Variants in PYGB observed in about 807,000 individuals in gnomAD.
PYGB encodes the protein glycogen phosphorylase B, also known as glycogen phosphorylase, brain form.
A neutral mutation model predicts 94.3 loss-of-function variants in PYGB; 82 were observed. The ratio of observed to expected loss-of-function variants is 0.87; its 90% confidence interval spans 0.73 to 1.04. The LOEUF (loss-of-function observed/expected upper bound fraction) is 1.04. Ranked by LOEUF, PYGB falls within the 50% of genes least tolerant of loss-of-function variation. The pLI is 0.00. For missense variants in PYGB, 1,132 were observed against 1,158.2 expected (o/e 0.98, Z 0.33); for synonymous variants, 488 against 479.1 (o/e 1.02, Z -0.24).
At chr20:25,284,046 G>T in intron 13 of PYGB, 58 bp from the exon 14 acceptor site, 1 of 1,592,956 alleles carries the variant, frequency 6.3e-7, no homozygotes, top group African/African-American at 1.3e-5. Flanking sequence ...GAAGCCGCAG[G>T]GTCAGTGGAT....
intron 1 of PYGB, among the ~76,000 whole-genome samples, chr20:25,258,613 G>A (rs530773204): frequency 6.6e-6 from 1 of 152,258 alleles, no homozygotes; most frequent in Non-Finnish European, 1.5e-5. Context: ...GGCCCAGGAG[G>A]CACTGCATGG....
intron 1 of PYGB, among the ~76,000 whole-genome samples, chr20:25,253,271 A>G (rs2092893359): frequency 6.6e-6 from 1 of 152,156 alleles, no homozygotes; most frequent in South Asian, 2.1e-4. Flanking sequence ...CACTTGAGCC[A>G]ATTTCTTAAA....
intron 1 of PYGB, among the ~76,000 whole-genome samples, chr20:25,257,385 C>G (rs556507083): frequency 1.3e-5 from 2 of 152,358 alleles, no homozygotes; most frequent in African/African-American, 4.8e-5. Flanking sequence ...GGCTTCGAGT[C>G]TAGGCCCAGC....
chr20:25,274,677 G>A lies in PYGB; in HGVS notation c.614G>A (p.Gly205Glu). The A allele has an allele frequency of 6.2e-7, 1 of 1,613,820 alleles. No individual in the cohort carries two copies. Among genetic ancestry groups the A allele is most frequent in the South Asian group, 1.1e-5 (1 of 91,090 alleles). ...PEYMLPVHFYGRVEHTPDGVK... is the reference protein window; with the variant it reads ...PEYMLPVHFYERVEHTPDGVK... ...TATATGCTTCCCGTGCACTTCTACG[G>A]ACGCGTGGAGCACACCCCCGACGGC... is the stretch of plus-strand genomic sequence containing the variant. Residue 205 changes from glycine (G) to glutamate (E), a missense_variant, in exon 5 of 20, where the codon GGA becomes GAA. Physicochemically the swap from Gly to Glu is moderately conservative, Grantham distance 98 (BLOSUM62 -2). Coordinates refer to ENST00000216962, the MANE Select transcript of PYGB (RefSeq NM_002862.4).
chr20:25,250,107 C>T (rs2092883395), intron 1 of PYGB, among the ~76,000 whole-genome samples: 2 of 152,152 alleles, frequency 1.3e-5, no homozygotes, highest in Non-Finnish European at 2.9e-5. Flanking sequence ...CCTCGGCCTC[C>T]CAAAGTGCAG....
chr20:25,269,257 G>C (rs754702773), intron 3 of PYGB, 50 bp downstream of exon 3: 10 of 1,470,106 alleles, frequency 6.8e-6, no homozygotes, highest in Non-Finnish European at 7.5e-6. Flanking sequence ...TGGCTTGGTT[G>C]GAGGCCACGT....
chr20:25,280,969 C>T lies in PYGB; in HGVS notation c.1260C>T (p.Pro420=), dbSNP rs2228978. The T allele has an allele frequency of 3.6e-3, 5,802 of 1,613,948 alleles. 28 individuals are homozygous for T. The highest frequency in any genetic ancestry group is 0.022 in the Middle Eastern group (131 of 6,052). The change falls in exon 11 of 20, where the codon CCC becomes CCT. Residue 420 remains proline (P), a synonymous_variant. Transcript: ENST00000216962. ...ACCAGCACGTGGCCGCGCTGTTTCC[C>T]GGCGATGTGGACCGCCTGCGCAGGA... is the stretch of plus-strand genomic sequence containing the variant. The part of the protein sequence containing the change: ...RHLDHVAALF[P]GDVDRLRRMS...
intron 3 of PYGB, among the ~76,000 whole-genome samples, chr20:25,270,421 C>G (rs1362947015): frequency 6.6e-6 from 1 of 152,076 alleles, no homozygotes; most frequent in African/African-American, 2.4e-5. Context: ...CCAGGATGGT[C>G]TCAATCTCCT....
At chr20:25,257,911 C>A (rs1247459668) in intron 1 of PYGB, among the ~76,000 whole-genome samples, 1 of 152,122 alleles carries the variant, frequency 6.6e-6, no homozygotes, top group Non-Finnish European at 1.5e-5. Context: ...ATATTAAGTT[C>A]GTTCAAATGT....
chr20:25,280,328 G>A lies in PYGB; in HGVS notation c.1155G>A (p.Leu385=), dbSNP rs145091595. Residue 385 remains leucine, a synonymous_variant, in exon 10 of 20, where the codon TTG becomes TTA. Coordinates refer to ENST00000216962, the MANE Select transcript of PYGB (RefSeq NM_002862.4). The stretch of plus-strand genomic sequence containing the variant: ...ACCACACTGTGCTGCCTGAGGCCTT[G>A]GAGCGCTGGCCCGTGTCCATGTTTG... ...YTNHTVLPEA[L]ERWPVSMFEK... The A allele has an allele frequency of 1.9e-6, 3 of 1,613,982 alleles. No individual in the cohort carries two copies. The highest frequency in any genetic ancestry group is 2.7e-5 in the African/African-American group (2 of 74,944).
chr20:25,260,941 G>T (rs964975914), intron 2 of PYGB, among the ~76,000 whole-genome samples: 1 of 152,242 alleles, frequency 6.6e-6, no homozygotes, highest in Non-Finnish European at 1.5e-5. Flanking sequence ...AGGGGCGTCC[G>T]CCATTGCTGA....
chr20:25,274,003 G>C (rs375013731), intron 4 of PYGB, among the ~76,000 whole-genome samples: 1 of 152,174 alleles, frequency 6.6e-6, no homozygotes, highest in African/African-American at 2.4e-5. Flanking sequence ...GTGAGCCTCC[G>C]CCTGGCCAGT....
rs963138509 is a variant in PYGB, at chr20:25,296,867, T to C, written c.*345T>C. 2 of 238,442 alleles carry C rather than the reference T, an allele frequency of 8.4e-6. No individual in the cohort carries two copies. Among genetic ancestry groups the C allele is most frequent in the Non-Finnish European group, 8.2e-6 (1 of 122,078 alleles). 14.8% of individuals were successfully genotyped at this position (238,442 alleles called of 1,614,324 possible). A position where few individuals can be genotyped will look rare whatever the true frequency, so the allele number is the denominator to read the frequency against. ...ACACATCTTGCTATGTATTAGCCGA[T>C]GTCTTTAGTGTTGAGCCTCTGGATT... On this transcript the variant is annotated 3_prime_UTR_variant, in exon 20 of 20. Transcript: ENST00000216962.
chr20:25,275,438 G>T (rs371428379), intron 5 of PYGB, among the ~76,000 whole-genome samples: 1 of 152,214 alleles, frequency 6.6e-6, no homozygotes, highest in African/African-American at 2.4e-5. Context: ...TGGGGGCATC[G>T]GTGAGACTCA....
At position 25,248,489 on chromosome 20, in the gene PYGB, C is replaced by T. The variant is rs553363391; in HGVS notation, c.243+68C>T. ...GGCGCCGGTCCCGGAGCCGCGCCAG[C>T]GGGGGTCTCTGCGGGGCGGCCCGTC... On this transcript the variant is annotated intron_variant, in intron 1 of 19. Transcript: ENST00000216962. 3.1e-6 allele frequency: 4 copies of T among 1,289,954 alleles called. No individual in the cohort carries two copies. The Admixed American group carries it at 1.7e-4, about 53-fold the overall frequency. 79.9% of individuals were successfully genotyped at this position (1,289,954 alleles called of 1,614,324 possible).
chr20:25,260,659 A>AGAGCG, intron 2 of PYGB, among the ~76,000 whole-genome samples: 1 of 152,164 alleles, frequency 6.6e-6, no homozygotes, highest in East Asian at 1.9e-4. Flanking sequence ...GCGTGAGAGC[A>AGAGCG]TGAGCTAAAG....
intron 1 of PYGB, among the ~76,000 whole-genome samples, chr20:25,252,597 T>A (rs1282558565): frequency 1.3e-5 from 2 of 152,216 alleles, no homozygotes. Context: ...AGGGAAACAC[T>A]TCACTTGCGT....
At chr20:25,256,485 A>T (rs1453078151) in intron 1 of PYGB, among the ~76,000 whole-genome samples, 1 of 151,138 alleles carries the variant, frequency 6.6e-6, no homozygotes, top group Non-Finnish European at 1.5e-5. Flanking sequence ...AACAGAGCGA[A>T]ACTCTGTCTC....
intron 1 of PYGB, 67 bp from the exon 2 acceptor site, chr20:25,259,170 C>A: frequency 7.3e-7 from 1 of 1,364,490 alleles, no homozygotes; most frequent in South Asian, 1.2e-5. Flanking sequence ...TGGGTCGTGT[C>A]ATCTCTGTAA....
Sources: allele counts gnomAD v4.1 joint callset (sites outside exome capture counted in the v4.1 genomes callset), GRCh38; gene constraint gnomAD v4.1.1; transcripts MANE v1.5; gene names NCBI Gene and HGNC (gene_info 2026-07-23, HGNC 2026-07-21).